Variants in WFS1 observed in about 807,000 individuals in gnomAD.
The protein encoded by WFS1 is wolframin ER transmembrane glycoprotein.
Under a neutral mutation model 68.5 loss-of-function variants are expected in WFS1, and 90 were observed. That is an observed-to-expected ratio of 1.31 (90% CI 1.11 to 1.56). The LOEUF (loss-of-function observed/expected upper bound fraction) is 1.56. WFS1 is among the 40% of genes most tolerant of loss of function. WFS1 has a pLI of 0.00. For synonymous variants in WFS1, 860 were observed against 540.7 expected, an observed-to-expected ratio of 1.59 and a Z score of -8.19; for missense variants, 1,767 against 1,232.6, an observed-to-expected ratio of 1.43 and a Z score of -6.49.
chr4:6,302,719 G>A lies in WFS1; in HGVS notation c.*251G>A, dbSNP rs897238894. The A allele has an allele frequency of 6.4e-5, 39 of 606,280 alleles. No individual in the cohort carries two copies. Among genetic ancestry groups the A allele is most frequent in the African/African-American group, 4.1e-4 (22 of 53,962 alleles). 37.6% of individuals were successfully genotyped at this position (606,280 alleles called of 1,614,324 possible). A position where few individuals can be genotyped will look rare whatever the true frequency, so the allele number is the denominator to read the frequency against. ...TCTCCACCCTGAGCCTGACCTTTCT[G>A]AGTGACATGGGTGTGCCAGGCTAGA... On this transcript the variant is annotated 3_prime_UTR_variant, in exon 8 of 8. Transcript: ENST00000226760.
chr4:6,297,691 C>G lies in WFS1; in HGVS notation c.861+2502C>G, dbSNP rs542636936. Among the ~76,000 whole-genome samples, 4 of 152,268 alleles carry G rather than the reference C, an allele frequency of 2.6e-5. No homozygotes were observed. In the East Asian group the frequency reaches 7.7e-4, roughly 29 times the overall value. Reference sequence around the variant, plus strand: ...GCAGAAGGGCCGATCACCACAGGCCCAGACAGAGAGCTCTGCAGTGTTCTA... The same window carrying G: ...GCAGAAGGGCCGATCACCACAGGCCGAGACAGAGAGCTCTGCAGTGTTCTA... On this transcript the variant is annotated intron_variant, in intron 7 of 7. Coordinates refer to ENST00000226760, the MANE Select transcript of WFS1 (RefSeq NM_006005.3).
chr4:6,295,472 G>A (rs1730612146), intron 7 of WFS1, among the ~76,000 whole-genome samples: 1 of 152,204 alleles, frequency 6.6e-6, no homozygotes, highest in South Asian at 2.1e-4. Context: ...TTTCTGTGCA[G>A]TGTAGGGGGC....
chr4:6,280,820 C>G (rs1730140391), intron 2 of WFS1, among the ~76,000 whole-genome samples: 1 of 152,106 alleles, frequency 6.6e-6, no homozygotes, highest in Non-Finnish European at 1.5e-5. Flanking sequence ...CACGGGTCTA[C>G]CAGTAGGACA....
chr4:6,300,646 C>CT lies in WFS1; in HGVS notation c.862-8dup. The CT allele has an allele frequency of 6.2e-7, 1 of 1,613,868 alleles. No homozygotes were observed. The highest frequency in any genetic ancestry group is 8.5e-7 in the Non-Finnish European group (1 of 1,179,892). On this transcript the variant is annotated splice_polypyrimidine_tract_variant and intron_variant, in intron 7 of 7. Coordinates refer to ENST00000226760, the MANE Select transcript of WFS1 (RefSeq NM_006005.3). Reference sequence around the variant, plus strand: ...TCCCAGCCTCGTTCCCACGTACCATCTTTCCCCCAGGTGGTCAAGTACCCC... The same window carrying CT: ...TCCCAGCCTCGTTCCCACGTACCATCTTTTCCCCCAGGTGGTCAAGTACCCC...
In WFS1 at chr4:6,299,149, G is replaced by A. The variant is rs552266184; in HGVS notation, c.862-1508G>A. Among the ~76,000 whole-genome samples the A allele has an allele frequency of 7.2e-5, 11 of 152,316 alleles. No individual in the cohort carries two copies. In the East Asian group the frequency reaches 2.1e-3, roughly 29 times the overall value. ...CCATCCCCTCCAGTCCCTCTGCCTG[G>A]CTGCCCTGTGTTCTGGCAGGGCTCA... On this transcript the variant is annotated intron_variant, in intron 7 of 7. Coordinates refer to ENST00000226760, the MANE Select transcript of WFS1 (RefSeq NM_006005.3).
In WFS1 at chr4:6,287,384, A is replaced by G; in HGVS notation, c.315+209A>G. Reference sequence around the variant, plus strand: ...TCCTCCTGGCACTCCTCTGGGGAGCAGCGCTCATCCCCCTTTTGTCCAACT... The same window carrying G: ...TCCTCCTGGCACTCCTCTGGGGAGCGGCGCTCATCCCCCTTTTGTCCAACT... On this transcript the variant is annotated intron_variant, in intron 3 of 7. Transcript: ENST00000226760. The surrounding 1 kb of genome is among the most constrained non-coding windows in gnomAD (Gnocchi z 6.4). 3.3e-6 allele frequency: 2 copies of G among 597,162 alleles called. No individual in the cohort carries two copies. Among genetic ancestry groups the G allele is most frequent in the African/African-American group, 3.7e-5 (2 of 54,400 alleles). The allele number at this position is 597,162 out of a possible 1,614,324, so 37.0% of individuals were successfully genotyped here.
Position 6,302,561 on chromosome 4 carries a change from T to C in WFS1, c.*93T>C. On this transcript the variant is annotated 3_prime_UTR_variant, in exon 8 of 8. Coordinates refer to ENST00000226760, the MANE Select transcript of WFS1 (RefSeq NM_006005.3). The stretch of plus-strand genomic sequence containing the variant: ...CCGACAGGCATGCACCAGTGCCGCC[T>C]GTGCCCACGTGTGCAGACTGTGGCT... 6.5e-7 allele frequency: 1 copy of C among 1,547,766 alleles called. No individual in the cohort carries two copies. The highest frequency in any genetic ancestry group is 8.7e-7 in the Non-Finnish European group (1 of 1,144,092).
At chr4:6,300,021 T>C (rs1278843420) in intron 7 of WFS1, among the ~76,000 whole-genome samples, 1 of 151,992 alleles carries the variant, frequency 6.6e-6, no homozygotes, top group African/African-American at 2.4e-5. Flanking sequence ...TCTCAGGGTC[T>C]CCGGCCATAG....
rs745761673 is a variant in WFS1, at chr4:6,300,757, C to T, written c.962C>T (p.Thr321Met). The T allele has an allele frequency of 7.4e-6, 12 of 1,613,964 alleles. No individual in the cohort carries two copies. Among genetic ancestry groups the T allele is most frequent in the East Asian group, 2.2e-5 (1 of 44,882 alleles). The change falls in exon 8 of 8, where the codon ACG (threonine) becomes ATG (methionine). Residue 321 changes from threonine to methionine, a missense_variant. Physicochemically the swap from Thr to Met is moderately conservative, Grantham distance 81 (BLOSUM62 -1). Coordinates refer to ENST00000226760, the MANE Select transcript of WFS1 (RefSeq NM_006005.3). ...CACTGGCTGTCCACCATCATCCCCA[C>T]GCACCACATCAACGCGCTCATCTTC... The part of the protein sequence containing the change: ...GMHWLSTIIP[T>M]HHINALIFFF...
intron 6 of WFS1, among the ~76,000 whole-genome samples, chr4:6,292,899 T>C (rs1487966295): frequency 2.6e-5 from 4 of 152,176 alleles, no homozygotes; most frequent in African/African-American, 9.7e-5. Context: ...GATCCCACCT[T>C]CCCACTGGGC....
chr4:6,300,812 C>T lies in WFS1; in HGVS notation c.1017C>T (p.Asp339=), dbSNP rs1234696330. 9 of 1,614,024 alleles carry T rather than the reference C, an allele frequency of 5.6e-6. No homozygotes were observed. The highest frequency in any genetic ancestry group is 2.2e-5 in the East Asian group (1 of 44,858). The change falls in exon 8 of 8, where the codon GAC becomes GAT. Residue 339 remains aspartate (D), a synonymous_variant. Coordinates refer to ENST00000226760, the MANE Select transcript of WFS1 (RefSeq NM_006005.3). ...FFFIVSNLTI[D]FFAFFIPLVI... ...TCATCGTCAGCAACCTCACCATCGA[C>T]TTCTTCGCCTTCTTCATCCCGCTGG...
rs1267297110 is a variant in WFS1 at position 6,300,584 on chromosome 4, C to G, written c.862-73C>G. The G allele has an allele frequency of 5.6e-6, 9 of 1,602,726 alleles. No homozygotes were observed. The East Asian group carries it at 9.0e-5, about 16-fold the overall frequency. ...TCCTTTTGCCCAGAGGCAGGGTGGT[C>G]AGAGGGAGGCGTGAGATGGGAGCAG... On this transcript the variant is annotated intron_variant, in intron 7 of 7. Transcript: ENST00000226760.
chr4:6,298,916 AT>A (rs1730735583), intron 7 of WFS1, among the ~76,000 whole-genome samples: 1 of 152,194 alleles, frequency 6.6e-6, no homozygotes, highest in South Asian at 2.1e-4. Flanking sequence ...CCCGGAGCTG[AT>A]GGGGGGCTCC....
Position 6,277,605 on chromosome 4 carries a change from T to C in WFS1, c.150T>C (p.Pro50=). ...GAGCACCCGGACCCCAGGCTGGCCCTGGCCCTGGTGTTAGAGACGCAGCGG... is the reference window on the plus strand; with the variant it reads ...GAGCACCCGGACCCCAGGCTGGCCCCGGCCCTGGTGTTAGAGACGCAGCGG... The part of the protein sequence containing the change: ...RPRAPGPQAG[P]GPGVRDAAAP... The change falls in exon 2 of 8, where the codon CCT becomes CCC. Residue 50 remains proline (P), a synonymous_variant. Coordinates refer to ENST00000226760, the MANE Select transcript of WFS1 (RefSeq NM_006005.3). 6.3e-7 allele frequency: 1 copy of C among 1,575,918 alleles called. No homozygotes were observed. The highest frequency in any genetic ancestry group is 8.6e-7 in the Non-Finnish European group (1 of 1,160,938).
At chr4:6,295,687 G>A (rs899524580) in intron 7 of WFS1, among the ~76,000 whole-genome samples, 6 of 152,234 alleles carry the variant, frequency 3.9e-5, no homozygotes, top group Non-Finnish European at 7.3e-5. Flanking sequence ...GTGTGGGAGC[G>A]TGGTGGGTGA....
At position 6,303,072 on chromosome 4, in the gene WFS1, G is replaced by C. The variant is rs9457; in HGVS notation, c.*604G>C. On this transcript the variant is annotated 3_prime_UTR_variant, in exon 8 of 8. Transcript: ENST00000226760. The stretch of plus-strand genomic sequence containing the variant: ...CCACAGGCTGCCTCATGACCCTCCT[G>C]TCCAGCAGGTAGTGGGTGAATGTGT... 87,008 of 157,996 alleles carry C rather than the reference G, an allele frequency of 0.55. 24,993 individuals are homozygous for C. Among genetic ancestry groups the C allele is most frequent in the East Asian group, 0.93 (5,027 of 5,390 alleles). The allele number at this position is 157,996 out of a possible 1,614,324, so 9.8% of individuals were successfully genotyped here.
At chr4:6,271,653 C>T (rs1299950722) in intron 1 of WFS1, among the ~76,000 whole-genome samples, 3 of 152,198 alleles carry the variant, frequency 2.0e-5, no homozygotes, top group Admixed American at 6.5e-5. Context: ...TCATTCCTCA[C>T]TCCCAGTTGG....
rs879423698 is a variant in WFS1, at chr4:6,302,743, G to C, written c.*275G>C. The C allele has an allele frequency of 9.9e-5, 56 of 563,816 alleles. No individual in the cohort carries two copies. Among genetic ancestry groups the C allele is most frequent in the Non-Finnish European group, 1.6e-4 (51 of 320,042 alleles). The allele number at this position is 563,816 out of a possible 1,614,324, so 34.9% of individuals were successfully genotyped here. On this transcript the variant is annotated 3_prime_UTR_variant, in exon 8 of 8. Coordinates refer to ENST00000226760, the MANE Select transcript of WFS1 (RefSeq NM_006005.3). ...TGAGTGACATGGGTGTGCCAGGCTA[G>C]ACTAGGAGGTTCCGGTGTCTGGAAA...
intron 2 of WFS1, among the ~76,000 whole-genome samples, chr4:6,282,475 G>A (rs112927969): frequency 0.013 from 2,016 of 152,338 alleles, 44 homozygotes; most frequent in African/African-American, 0.045. Context: ...GACCAGTGAG[G>A]GAGGGAGGGA....
Sources: allele counts gnomAD v4.1 joint callset (sites outside exome capture counted in the v4.1 genomes callset), GRCh38; gene constraint gnomAD v4.1.1; non-coding constraint Gnocchi (gnomAD v3.1); transcripts MANE v1.5; gene names NCBI Gene and HGNC (gene_info 2026-07-23, HGNC 2026-07-21).